The following CP variants were observed in gnomAD, a reference collection of about 807,000 sequenced individuals.
The protein encoded by CP is ceruloplasmin, also known as caeruloplasmin.
CP carries 64 observed loss-of-function variants against 122.4 expected under a neutral mutation model. The observed-to-expected ratio is 0.52, with a 90% CI of 0.43 to 0.64. The LOEUF (loss-of-function observed/expected upper bound fraction) is 0.64. CP is among the 30% of genes least tolerant of loss of function. The probability of loss-of-function intolerance (pLI) is 0.00; values close to 1 mark genes in which losing one functional copy is unlikely to be tolerated. For synonymous variants in CP, 440 were observed against 436.4 expected (o/e 1.01, Z -0.10); for missense variants, 1,167 against 1,284.4 (o/e 0.91, Z 1.40).
At chr3:149,217,110 A>T (rs1728508013) in intron 1 of CP, among the ~76,000 whole-genome samples, 1 of 152,008 alleles carries the variant, frequency 6.6e-6, no homozygotes, top group African/African-American at 2.4e-5. Flanking sequence ...CATGTTGGCC[A>T]GGCTGGTCTC....
chr3:149,185,369 T>C lies in CP; in HGVS notation c.2155A>G (p.Arg719Gly). 1 of 1,614,178 alleles carries C rather than the reference T, an allele frequency of 6.2e-7. No individual in the cohort carries two copies. Among genetic ancestry groups the C allele is most frequent in the Non-Finnish European group, 8.5e-7 (1 of 1,180,014 alleles). ...AAGGTGGAATCCTCAGACTGCCGCC[T>C]GCATTGGTTCACAGTATATTTTTGC... The part of the protein sequence containing the change: ...MKQKYTVNQC[R>G]RQSEDSTFYL... Residue 719 changes from arginine to glycine, a missense_variant, in exon 12 of 19, where the codon AGG becomes GGG. Coordinates refer to ENST00000264613, the MANE Select transcript of CP (RefSeq NM_000096.4).
chr3:149,202,916 T>G (rs868526076), intron 6 of CP, among the ~76,000 whole-genome samples: 8 of 147,196 alleles, frequency 5.4e-5, no homozygotes, highest in Admixed American at 2.0e-4. Context: ...GCCTTTTTTT[T>G]TTTTTTTTCA....
At chr3:149,210,443 T>C (rs1045713570) in intron 2 of CP, 64 bp from the exon 3 acceptor site, 57 of 1,331,544 alleles carry the variant, frequency 4.3e-5, no homozygotes, top group Non-Finnish European at 5.0e-5. Context: ...AGAGAATAGA[T>C]AGTCCATTAA....
chr3:149,162,957 T>C (rs1030850335), intron 5 of CP: 20 of 1,196,124 alleles, frequency 1.7e-5, no homozygotes, highest in Admixed American at 8.8e-5. Context: ...TAATAACTTA[T>C]TATAAAATCT....
At position 149,206,299 on chromosome 3, in the gene CP, C is replaced by A. The variant is rs1364319813; in HGVS notation, c.1077G>T (p.Lys359Asn). The A allele has an allele frequency of 6.2e-7, 1 of 1,613,966 alleles. No homozygotes were observed. Among genetic ancestry groups the A allele is most frequent in the South Asian group, 1.1e-5 (1 of 91,080 alleles). ...QAFFQVQECN[K>N]SSSKDNIRGK... ...CACGGATATTATCCTTTGATGAAGACTTGTTACACTCCTGGACCTGGAAAA... is the reference window on the plus strand; with the variant it reads ...CACGGATATTATCCTTTGATGAAGAATTGTTACACTCCTGGACCTGGAAAA... The change falls in exon 6 of 19, where the codon AAG (lysine) becomes AAT (asparagine). Residue 359 changes from lysine to asparagine, a missense_variant. By Grantham distance (94) the Lys-to-Asn change is moderately conservative. Transcript: ENST00000264613.
intron 12 of CP, among the ~76,000 whole-genome samples, chr3:149,184,789 G>T: frequency 6.6e-6 from 1 of 152,108 alleles, no homozygotes; most frequent in East Asian, 1.9e-4. Flanking sequence ...TCATCTTCAA[G>T]CATTTAAAAT....
At chr3:149,220,764 C>T (rs954659030) in intron 1 of CP, among the ~76,000 whole-genome samples, 1 of 151,942 alleles carries the variant, frequency 6.6e-6, no homozygotes, top group Admixed American at 6.6e-5. Flanking sequence ...GGTCATTGGG[C>T]TTGTTTGTGT....
chr3:149,212,465 TAGTA>T lies in CP; in HGVS notation c.376_379del (p.Tyr126IlefsTer49), dbSNP rs2108301637. 1 of 1,613,964 alleles carries T rather than the reference TAGTA, an allele frequency of 6.2e-7. No homozygotes were observed. The highest frequency in any genetic ancestry group is 8.5e-7 in the Non-Finnish European group (1 of 1,179,940). ...GCTGAACTTACCCTCATGTTCCTTA[TAGTA>T]AGTTATTCCATGTGAATGAAAGGTG... is the stretch of plus-strand genomic sequence containing the variant. On this transcript the variant is annotated frameshift_variant, in exon 2 of 19. Coordinates refer to ENST00000264613, the MANE Select transcript of CP (RefSeq NM_000096.4). LOFTEE classifies it high-confidence loss of function.
chr3:149,183,221 A>G (rs1358655901), intron 13 of CP, among the ~76,000 whole-genome samples: 1 of 152,218 alleles, frequency 6.6e-6, no homozygotes, highest in African/African-American at 2.4e-5. Context: ...TTGATAAAAT[A>G]TATATAATTT....
Position 149,163,955 on chromosome 3 carries a change from TAAAAATACCTCCTTTTCTTATG to T in CP, c.*14-1102_*14-1081del, listed in dbSNP as rs1237105017. The T allele has an allele frequency of 9.5e-6, 12 of 1,269,416 alleles. No homozygotes were observed. Among genetic ancestry groups the T allele is most frequent in the African/African-American group, 4.4e-5 (3 of 68,852 alleles). 78.6% of individuals were successfully genotyped at this position (1,269,416 alleles called of 1,614,324 possible). ...AAGATCTTTCAAAATTACAGGTAAG[TAAAAATACCTCCTTTTCTTATG>T]AAATTGCATATTACAATATAGTGTA... is the stretch of plus-strand genomic sequence containing the variant. On this transcript the variant is annotated intron_variant, in intron 5 of 5. Transcript: ENST00000479771.
chr3:149,198,960 A>T (rs921812576), intron 8 of CP, among the ~76,000 whole-genome samples: 14 of 152,242 alleles, frequency 9.2e-5, no homozygotes, highest in Non-Finnish European at 1.8e-4. Flanking sequence ...TTTTCTATTG[A>T]ATAAAATGGA....
In CP at chr3:149,210,252, A is replaced by T. The variant is rs200363523; in HGVS notation, c.522T>A (p.Cys174Ter). 6.2e-7 allele frequency: 1 copy of T among 1,614,098 alleles called. No individual in the cohort carries two copies. Among genetic ancestry groups the T allele is most frequent in the Admixed American group, 1.7e-5 (1 of 60,014 alleles). Residue 174 changes from cysteine (C) to a stop codon, truncating the protein, a stop_gained, in exon 3 of 19, where the codon TGT becomes TGA. Transcript: ENST00000264613. LOFTEE classifies it high-confidence loss of function. ...EQSPGEGDGN[C>*]VTRIYHSHID... ...TGTGGGAATGGTAAATCCTAGTCAC[A>T]CAATTGCCATCTCCTTCCCCAGGAC...
exon 6 of CP, chr3:149,162,757 T>C (rs1724005235): frequency 1.2e-6 from 2 of 1,614,022 alleles, no homozygotes; most frequent in Non-Finnish European, 1.7e-6. Context: ...GCTCAGCTAG[T>C]GGCATGTCTC....
At chr3:149,213,340 A>G (rs368391495) in intron 1 of CP, among the ~76,000 whole-genome samples, 1 of 152,250 alleles carries the variant, frequency 6.6e-6, no homozygotes, top group Non-Finnish European at 1.5e-5. Flanking sequence ...GATACTTAAC[A>G]TTGAATGTTT....
chr3:149,210,072 A>G, intron 3 of CP, 95 bp downstream of exon 3: 1 of 1,253,962 alleles, frequency 8.0e-7, no homozygotes, highest in African/African-American at 1.5e-5. Flanking sequence ...TACCTGCTCA[A>G]TCTCAGCACA....
At chr3:149,201,410 C>G (rs1035457075) in intron 7 of CP, among the ~76,000 whole-genome samples, 8 of 152,112 alleles carry the variant, frequency 5.3e-5, no homozygotes, top group Admixed American at 6.5e-5. Context: ...CGTGAGCCAC[C>G]ACGCCTGGCC....
intron 9 of CP, among the ~76,000 whole-genome samples, chr3:149,192,644 A>G (rs145299700): frequency 2.8e-4 from 42 of 151,938 alleles, no homozygotes; most frequent in African/African-American, 8.5e-4. Context: ...TGCATTATAC[A>G]TAACAAAGAT....
At chr3:149,191,209 G>A (rs1290961779) in intron 9 of CP, among the ~76,000 whole-genome samples, 1 of 148,996 alleles carries the variant, frequency 6.7e-6, no homozygotes, top group African/African-American at 2.5e-5. Flanking sequence ...CACATTATCT[G>A]AACTAGAATT....
At chr3:149,181,893 A>G (rs1725803857) in intron 14 of CP, 112 bp downstream of exon 14, 2 of 1,209,644 alleles carry the variant, frequency 1.7e-6, no homozygotes, top group Admixed American at 1.7e-5. Context: ...CCTCTTCACA[A>G]CTACCTCCCT....
Sources: gnomAD v4.1 joint callset for allele counts (sites outside exome capture counted in the v4.1 genomes callset) on GRCh38, gnomAD v4.1.1 for gene constraint, MANE v1.5 for transcripts, NCBI Gene and HGNC (gene_info 2026-07-23, HGNC 2026-07-21) for gene names.